The following SPIRE1 variants were observed in gnomAD, a reference collection of about 807,000 sequenced individuals.
SPIRE1 encodes the protein spire type actin nucleation factor 1.
Under a neutral mutation model 94.1 loss-of-function variants are expected in SPIRE1, and 40 were observed. The ratio of observed to expected loss-of-function variants is 0.43; its 90% CI spans 0.33 to 0.55. The LOEUF is 0.55. SPIRE1 is among the 20% of genes least tolerant of loss of function. The pLI is 0.06. For synonymous variants in SPIRE1, 376 were observed against 371.7 expected (o/e 1.01, Z -0.13); for missense variants, 838 against 975.2 (o/e 0.86, Z 1.87).
intron 9 of SPIRE1, among the ~76,000 whole-genome samples, chr18:12,480,363 A>G (rs2032794064): frequency 6.6e-6 from 1 of 152,204 alleles, no homozygotes; most frequent in Non-Finnish European, 1.5e-5. Context: ...ATTTCCTCTG[A>G]TGAGTCTGAT....
At chr18:12,461,999 T>C (rs1028995993) in intron 12 of SPIRE1, among the ~76,000 whole-genome samples, 5 of 152,230 alleles carry the variant, frequency 3.3e-5, no homozygotes, top group African/African-American at 9.6e-5. Flanking sequence ...CTTATTCACA[T>C]GAAAACAAAT....
chr18:12,652,060 T>G (rs2038393899), intron 1 of SPIRE1, among the ~76,000 whole-genome samples: 1 of 152,216 alleles, frequency 6.6e-6, no homozygotes, highest in Non-Finnish European at 1.5e-5. Flanking sequence ...ATGATTGTTG[T>G]CAGACGGGTA....
intron 2 of SPIRE1, among the ~76,000 whole-genome samples, chr18:12,596,791 T>A (rs1470004956): frequency 6.6e-6 from 1 of 152,152 alleles, no homozygotes; most frequent in East Asian, 1.9e-4. Flanking sequence ...AGTTGGGAAA[T>A]TTGACATTTG....
intron 10 of SPIRE1, among the ~76,000 whole-genome samples, chr18:12,478,456 T>G (rs1020877321): frequency 6.9e-6 from 1 of 145,468 alleles, no homozygotes; most frequent in African/African-American, 2.6e-5. Flanking sequence ...GTAGCTAGGG[T>G]GTGTGTGTGC....
At chr18:12,519,607 T>C (rs1348059724) in intron 4 of SPIRE1, among the ~76,000 whole-genome samples, 1 of 152,216 alleles carries the variant, frequency 6.6e-6, no homozygotes, top group African/African-American at 2.4e-5. Flanking sequence ...AAAGTTATTT[T>C]CTTAATAAAT....
At chr18:12,500,835 G>A (rs988153976) in intron 6 of SPIRE1, among the ~76,000 whole-genome samples, 1 of 152,096 alleles carries the variant, frequency 6.6e-6, no homozygotes, top group Non-Finnish European at 1.5e-5. Context: ...CACTCTGGGA[G>A]GCCAAGGAGG....
intron 2 of SPIRE1, among the ~76,000 whole-genome samples, chr18:12,565,381 CT>C (rs1022960058): frequency 1.3e-5 from 2 of 151,554 alleles, no homozygotes; most frequent in African/African-American, 4.8e-5. Flanking sequence ...CCTTTTTTTT[CT>C]TTTTTCCATT....
intron 4 of SPIRE1, among the ~76,000 whole-genome samples, chr18:12,532,561 T>G (rs2034714789): frequency 6.6e-6 from 1 of 152,238 alleles, no homozygotes; most frequent in Non-Finnish European, 1.5e-5. Flanking sequence ...GTTTCAAAAA[T>G]TCCACTTGGT....
chr18:12,467,202 C>T (rs528617375), intron 10 of SPIRE1, among the ~76,000 whole-genome samples: 3 of 152,120 alleles, frequency 2.0e-5, no homozygotes, highest in South Asian at 4.2e-4. Context: ...CACTTGAACC[C>T]GGGAGGTGGA....
At chr18:12,621,777 A>T (rs1389471595) in intron 2 of SPIRE1, among the ~76,000 whole-genome samples, 2 of 152,208 alleles carry the variant, frequency 1.3e-5, no homozygotes, top group East Asian at 3.8e-4. Flanking sequence ...ATGGCTGCAT[A>T]ACTCTGAATA....
Position 12,486,004 on chromosome 18 carries a change from A to G in SPIRE1, c.1190-4T>C, listed in dbSNP as rs996320828. On this transcript the variant is annotated splice_region_variant and splice_polypyrimidine_tract_variant and intron_variant, in intron 8 of 16. Coordinates refer to ENST00000409402, the MANE Select transcript of SPIRE1 (RefSeq NM_001128626.2). ...GACATGCTAAGTGGCCGCATTGCTGAAAAAAAGAAAACAAACAATAAAAAG... is the reference window on the plus strand; with the variant it reads ...GACATGCTAAGTGGCCGCATTGCTGGAAAAAAGAAAACAAACAATAAAAAG... The G allele has an allele frequency of 2.0e-6, 3 of 1,517,740 alleles. No homozygotes were observed. In the African/African-American group the frequency reaches 4.3e-5, roughly 22 times the overall value. The allele number at this position is 1,517,740 out of a possible 1,614,324, so 94.0% of individuals were successfully genotyped here.
chr18:12,624,629 T>G (rs533976794), intron 2 of SPIRE1, among the ~76,000 whole-genome samples: 3 of 148,546 alleles, frequency 2.0e-5, no homozygotes, highest in Non-Finnish European at 4.5e-5. Context: ...TGGTAAACTC[T>G]TTTGAGACCA....
chr18:12,474,750 C>A (rs147000730), intron 10 of SPIRE1, among the ~76,000 whole-genome samples: 1 of 151,920 alleles, frequency 6.6e-6, no homozygotes, highest in Non-Finnish European at 1.5e-5. Context: ...ACCCGGGAGT[C>A]GGAGGATGCA....
chr18:12,562,728 T>C (rs905821423), intron 2 of SPIRE1, among the ~76,000 whole-genome samples: 2 of 147,618 alleles, frequency 1.4e-5, no homozygotes, highest in African/African-American at 5.0e-5. Context: ...TAGGCTGGTC[T>C]TGAACTTCTG....
intron 5 of SPIRE1, among the ~76,000 whole-genome samples, chr18:12,511,043 C>T (rs2034018729): frequency 6.6e-6 from 1 of 152,174 alleles, no homozygotes; most frequent in East Asian, 1.9e-4. Flanking sequence ...CTGTTTTAGA[C>T]TGAGTTTTAT....
At chr18:12,576,184 T>TA (rs894343472) in intron 2 of SPIRE1, among the ~76,000 whole-genome samples, 1 of 148,740 alleles carries the variant, frequency 6.7e-6, no homozygotes, top group African/African-American at 2.5e-5. Context: ...GCCTGGGCGA[T>TA]ATAGTGAGAC....
chr18:12,650,711 GAAA>G (rs56170775), intron 1 of SPIRE1, among the ~76,000 whole-genome samples: 4 of 116,684 alleles, frequency 3.4e-5, no homozygotes, highest in Admixed American at 9.2e-5. Context: ...TCCATCTCAG[GAAA>G]AAAAAAAAAA....
chr18:12,615,345 A>AAAAAAAAAAAAAT, intron 2 of SPIRE1, among the ~76,000 whole-genome samples: 9 of 17,244 alleles, frequency 5.2e-4, no homozygotes, highest in Non-Finnish European at 7.4e-4. Flanking sequence ...AAAAAAAAAA[A>AAAAAAAAAAAAAT]ATATATATAT....
chr18:12,547,920 A>AAAACAAAC (rs139102568), intron 2 of SPIRE1, among the ~76,000 whole-genome samples: 13,728 of 151,622 alleles, frequency 0.091, 722 homozygotes, highest in Middle Eastern at 0.16. Context: ...CTATCTCATA[A>AAAACAAAC]AAACAAACAA....
Sources: allele counts gnomAD v4.1 joint callset (sites outside exome capture counted in the v4.1 genomes callset), GRCh38; gene constraint gnomAD v4.1.1; transcripts MANE v1.5; gene names NCBI Gene and HGNC (gene_info 2026-07-23, HGNC 2026-07-21).